SPAG9: variants seen among roughly 807,000 people sequenced by gnomAD.
SPAG9 encodes the protein C-Jun-amino-terminal kinase-interacting protein 4.
A neutral mutation model predicts 166.5 loss-of-function variants in SPAG9; 35 were observed. The ratio of observed to expected loss-of-function variants is 0.21; its 90% CI spans 0.16 to 0.28. SPAG9 has a LOEUF of 0.28. SPAG9 is among the 10% of genes least tolerant of loss of function. The probability of loss-of-function intolerance (pLI) is 1.00; values close to 1 mark genes in which losing one functional copy is unlikely to be tolerated. For missense variants in SPAG9, 1,235 were observed against 1,603.3 expected, an observed-to-expected ratio of 0.77 and a Z score of 3.92; for synonymous variants, 534 against 565.5, an observed-to-expected ratio of 0.94 and a Z score of 0.79.
intron 1 of SPAG9, among the ~76,000 whole-genome samples, chr17:51,095,444 TG>T: frequency 6.6e-6 from 1 of 151,708 alleles, no homozygotes; most frequent in Middle Eastern, 3.4e-3. Context: ...CCGTCTCACT[TG>T]ATCTTAGCCA....
intron 1 of SPAG9, among the ~76,000 whole-genome samples, chr17:51,095,808 T>G (rs1304660954): frequency 7.2e-6 from 1 of 138,840 alleles, no homozygotes; most frequent in African/African-American, 2.6e-5. Context: ...TGATATATAG[T>G]GAGATATATA....
intron 2 of SPAG9, among the ~76,000 whole-genome samples, chr17:51,073,500 A>G (rs1357237025): frequency 6.6e-6 from 1 of 152,096 alleles, no homozygotes; most frequent in African/African-American, 2.4e-5. Flanking sequence ...AAATTAAGAA[A>G]TAAGTAATTT....
At chr17:51,006,531 T>A (rs1469507385) in intron 10 of SPAG9, among the ~76,000 whole-genome samples, 1 of 152,238 alleles carries the variant, frequency 6.6e-6, no homozygotes, top group Non-Finnish European at 1.5e-5. Context: ...TTCCTCAGAA[T>A]ATATTACCCA....
intron 4 of SPAG9, among the ~76,000 whole-genome samples, 162 bp downstream of exon 4, chr17:51,047,213 T>A (rs913876578): frequency 6.6e-6 from 1 of 152,240 alleles, no homozygotes; most frequent in African/African-American, 2.4e-5. Context: ...AAAAACCGTT[T>A]CTACTTTTCT....
At chr17:51,026,766 T>A (rs1029983427) in intron 6 of SPAG9, among the ~76,000 whole-genome samples, 1 of 148,558 alleles carries the variant, frequency 6.7e-6, no homozygotes, top group African/African-American at 2.5e-5. Flanking sequence ...AACCTCTGCC[T>A]CCCAGGTTCA....
At chr17:51,080,285 T>G (rs2048123129) in intron 1 of SPAG9, among the ~76,000 whole-genome samples, 1 of 151,334 alleles carries the variant, frequency 6.6e-6, no homozygotes, top group Non-Finnish European at 1.5e-5. Context: ...TGATCCGCTC[T>G]CCTTAAAACT....
Position 51,019,481 on chromosome 17 carries a change from T to A in SPAG9, c.1091+678A>T, listed in dbSNP as rs190558849. 2.0e-5 allele frequency among the ~76,000 whole-genome samples: 3 copies of A among 152,084 alleles called. No homozygotes were observed. In the East Asian group the frequency reaches 5.8e-4, roughly 29 times the overall value. On this transcript the variant is annotated intron_variant, in intron 8 of 29. Coordinates refer to ENST00000262013, the MANE Select transcript of SPAG9 (RefSeq NM_001130528.3). ...CTGAGGCAGGAGAATCACCTGACCC[T>A]GGGAGGCAGAGGTTGCAGTGAGCTG...
intron 1 of SPAG9, among the ~76,000 whole-genome samples, chr17:51,085,116 G>A (rs2048271563): frequency 6.6e-6 from 1 of 152,052 alleles, no homozygotes; most frequent in African/African-American, 2.4e-5. Context: ...AGGCCGAGCT[G>A]GGATTACAGG....
At position 50,974,921 on chromosome 17, in the gene SPAG9, T is replaced by A. The variant is rs544511911; in HGVS notation, c.3550A>T (p.Asn1184Tyr). 6 of 1,610,462 alleles carry A rather than the reference T, an allele frequency of 3.7e-6. No individual in the cohort carries two copies. The South Asian group carries it at 5.6e-5, about 15-fold the overall frequency. The change falls in exon 28 of 30, where the codon AAT (asparagine) becomes TAT (tyrosine). Residue 1184 changes from asparagine to tyrosine, a missense_variant. Asn to Tyr is a moderately radical substitution (Grantham distance 143). Coordinates refer to ENST00000262013, the MANE Select transcript of SPAG9 (RefSeq NM_001130528.3). ...ETNKTSGVPG[N>Y]RPGSVIRVYG... ...ACACGGATTACACTTCCAGGACGAT[T>A]TCCTGGTACACCTGAGGTTTTATTT...
intron 13 of SPAG9, among the ~76,000 whole-genome samples, chr17:51,000,242 C>T (rs2044872969): frequency 6.6e-6 from 1 of 152,176 alleles, no homozygotes; most frequent in Non-Finnish European, 1.5e-5. Flanking sequence ...AACAAAATTT[C>T]AGAAAATAAG....
Position 51,095,845 on chromosome 17 carries a change from G to GAT in SPAG9, c.304-16143_304-16142dup, listed in dbSNP as rs1308713595. Among the ~76,000 whole-genome samples, 51 of 143,084 alleles carry GAT rather than the reference G, an allele frequency of 3.6e-4. 1 individual carries two copies. The East Asian group carries it at 9.0e-3, about 25-fold the overall frequency. 93.9% of individuals were successfully genotyped at this position (143,084 alleles called of 152,430 possible). A position where few individuals can be genotyped will look rare whatever the true frequency, so the allele number is the denominator to read the frequency against. The stretch of plus-strand genomic sequence containing the variant: ...AGGGAGAGATATAGAGATATATAGT[G>GAT]ATATATATAGTGATATATATATAGT... On this transcript the variant is annotated intron_variant, in intron 1 of 29. Transcript: ENST00000262013.
chr17:51,012,531 C>T (rs538011635), intron 9 of SPAG9, among the ~76,000 whole-genome samples: 1 of 150,962 alleles, frequency 6.6e-6, no homozygotes, highest in African/African-American at 2.4e-5. Context: ...GATCGCACCA[C>T]GGCACTCCAG....
At chr17:50,967,122 C>A (rs930022291) in intron 29 of SPAG9, among the ~76,000 whole-genome samples, 1 of 152,142 alleles carries the variant, frequency 6.6e-6, no homozygotes, top group Non-Finnish European at 1.5e-5. Context: ...TGGGGTACAC[C>A]ACACTCCTCT....
At chr17:51,077,098 CTAG>C (rs2048035012) in intron 2 of SPAG9, among the ~76,000 whole-genome samples, 1 of 113,424 alleles carries the variant, frequency 8.8e-6, no homozygotes, top group African/African-American at 4.8e-5. Flanking sequence ...AGCTATCTAT[CTAG>C]CTAGCTATCT....
intron 5 of SPAG9, among the ~76,000 whole-genome samples, chr17:51,034,016 C>G (rs1010430459): frequency 1.3e-5 from 2 of 152,186 alleles, no homozygotes; most frequent in Non-Finnish European, 2.9e-5. Flanking sequence ...GGTCAACATA[C>G]AACACAATAG....
At chr17:51,050,661 A>C (rs1197067863) in intron 3 of SPAG9, among the ~76,000 whole-genome samples, 4 of 152,194 alleles carry the variant, frequency 2.6e-5, no homozygotes. Flanking sequence ...ACACACAAAA[A>C]AGAACAAAAA....
Position 50,979,731 on chromosome 17 carries a change from G to A in SPAG9, c.3409+15C>T, listed in dbSNP as rs202163162. The A allele has an allele frequency of 4.0e-5, 64 of 1,599,870 alleles. No homozygotes were observed. The highest frequency in any genetic ancestry group is 6.7e-5 in the East Asian group (3 of 44,514). On this transcript the variant is annotated intron_variant, in intron 26 of 29. Coordinates refer to ENST00000262013, the MANE Select transcript of SPAG9 (RefSeq NM_001130528.3). ...CCTCTTTGACTGGTAAAGATAAAAC[G>A]CGTTGGAAGCTTACCTAACATTTTG...
intron 2 of SPAG9, among the ~76,000 whole-genome samples, chr17:51,078,156 G>T (rs913289060): frequency 1.3e-5 from 2 of 152,192 alleles, no homozygotes; most frequent in East Asian, 3.9e-4. Flanking sequence ...GGTAACAAAG[G>T]TATCCAACAA....
intron 6 of SPAG9, among the ~76,000 whole-genome samples, chr17:51,027,074 G>A (rs951147862): frequency 6.6e-5 from 10 of 152,054 alleles, no homozygotes; most frequent in African/African-American, 1.9e-4. Flanking sequence ...ATGGGAAATC[G>A]GACAAAGTAT....
Sources: gnomAD v4.1 joint callset for allele counts (sites outside exome capture counted in the v4.1 genomes callset) on GRCh38, gnomAD v4.1.1 for gene constraint, MANE v1.5 for transcripts, NCBI Gene and HGNC (gene_info 2026-07-23, HGNC 2026-07-21) for gene names.